Variants in COG6 observed in about 807,000 individuals in gnomAD.
COG6 encodes component of oligomeric golgi complex 6.
Under a neutral mutation model 88.8 loss-of-function variants are expected in COG6, and 74 were observed. The observed-to-expected ratio is 0.83, with a 90% confidence interval of 0.69 to 1.01. COG6 has a LOEUF of 1.01. Ranked by LOEUF, COG6 falls within the 50% of genes least tolerant of loss-of-function variation. COG6 has a pLI of 0.00. For missense variants in COG6, 800 were observed against 797.9 expected (o/e 1.00, Z -0.03); for synonymous variants, 286 against 278.7 (o/e 1.03, Z -0.26).
intron 18 of COG6, among the ~76,000 whole-genome samples, chr13:39,758,757 C>A (rs1880923735): frequency 6.6e-6 from 1 of 152,132 alleles, no homozygotes; most frequent in African/African-American, 2.4e-5. Flanking sequence ...AAATTTATGT[C>A]TACCAAGACT....
rs532838312 is a variant in COG6, at chr13:39,760,846, A to C, written c.1827-27489A>C. ...TATGTGAATAAATTTATGTATTTTT[A>C]CTGCACTCTTTTTATAGGTTTATTC... On this transcript the variant is annotated intron_variant, in intron 18 of 18. Transcript: ENST00000416691. Among the ~76,000 whole-genome samples the C allele has an allele frequency of 2.0e-5, 3 of 152,122 alleles. No individual in the cohort carries two copies. In the East Asian group the frequency reaches 5.8e-4, roughly 29 times the overall value.
chr13:39,692,908 A>G (rs1289751342), intron 11 of COG6, among the ~76,000 whole-genome samples: 1 of 151,996 alleles, frequency 6.6e-6, no homozygotes, highest in Non-Finnish European at 1.5e-5. Flanking sequence ...CAGCTCTGCT[A>G]ATGATTTTTC....
intron 12 of COG6, among the ~76,000 whole-genome samples, chr13:39,698,983 A>AG (rs1877424098): frequency 6.6e-6 from 1 of 151,914 alleles, no homozygotes; most frequent in African/African-American, 2.4e-5. Context: ...CAGACTTTTC[A>AG]ATTAGTCTAA....
rs1009152305 is a variant in COG6, at chr13:39,712,386, T to C, written c.1285-6850T>C. ...AACATGTCTGTTGTCCAGAGGCTTA[T>C]TAAGAAATGACTTACTGTTTAGTCC... On this transcript the variant is annotated intron_variant, in intron 13 of 18. Transcript: ENST00000455146. Among the ~76,000 whole-genome samples the C allele has an allele frequency of 3.3e-5, 5 of 151,308 alleles. No individual in the cohort carries two copies. The South Asian group carries it at 8.3e-4, about 25-fold the overall frequency.
rs569292449 is a variant in COG6, at chr13:39,730,773, CAAAAAAAAA to C, written c.1826+3243_1826+3251del. On this transcript the variant is annotated intron_variant, in intron 18 of 18. Coordinates refer to ENST00000455146, the MANE Select transcript of COG6 (RefSeq NM_020751.3). ...TGGGCGACAGAGCAAGACTCCATCT[CAAAAAAAAA>C]AAAAAAAAAAAAAAAAAGATTTAAC... 1.5e-3 allele frequency among the ~76,000 whole-genome samples: 58 copies of C among 39,470 alleles called. 2 individuals carry two copies. The South Asian group carries it at 0.017, about 12-fold the overall frequency. The allele number at this position is 39,470 out of a possible 152,430, so 25.9% of individuals were successfully genotyped here.
Position 39,655,898 on chromosome 13 carries a change from GC to G in COG6, c.153+21del. 1 of 1,600,766 alleles carries G rather than the reference GC, an allele frequency of 6.2e-7. No homozygotes were observed. Among genetic ancestry groups the G allele is most frequent in the Non-Finnish European group, 8.5e-7 (1 of 1,175,022 alleles). Reference sequence around the variant, plus strand: ...CGACAAGGTAACCGGGGCTGGCGGGGCCGGAGTCACAGGTTCCTGCGGGGCT... The same window carrying G: ...CGACAAGGTAACCGGGGCTGGCGGGGCGGAGTCACAGGTTCCTGCGGGGCT... On this transcript the variant is annotated intron_variant, in intron 1 of 18. Coordinates refer to ENST00000455146, the MANE Select transcript of COG6 (RefSeq NM_020751.3).
chr13:39,705,629 T>C (rs1877851290), intron 13 of COG6, among the ~76,000 whole-genome samples: 1 of 152,164 alleles, frequency 6.6e-6, no homozygotes, highest in African/African-American at 2.4e-5. Context: ...GTAGTCAGGA[T>C]TGATTTGCCC....
At chr13:39,743,385 G>A (rs1274857891) in intron 18 of COG6, among the ~76,000 whole-genome samples, 1 of 151,626 alleles carries the variant, frequency 6.6e-6, no homozygotes, top group Non-Finnish European at 1.5e-5. Flanking sequence ...AAAGAGAGAA[G>A]AATCAAATAG....
chr13:39,723,261 A>G (rs1054717799), intron 15 of COG6, 72 bp from the exon 16 acceptor site: 12 of 907,420 alleles, frequency 1.3e-5, no homozygotes, highest in South Asian at 9.3e-5. Context: ...ATCAGTGCCA[A>G]TGCAAGGCAC....
At chr13:39,693,035 T>C (rs1336033224) in intron 11 of COG6, among the ~76,000 whole-genome samples, 1 of 152,036 alleles carries the variant, frequency 6.6e-6, no homozygotes, top group Non-Finnish European at 1.5e-5. Flanking sequence ...TTGTTGTTTC[T>C]CCTGTGACTG....
At chr13:39,777,863 C>A (rs1263339171) in intron 18 of COG6, among the ~76,000 whole-genome samples, 1 of 152,198 alleles carries the variant, frequency 6.6e-6, no homozygotes, top group Non-Finnish European at 1.5e-5. Flanking sequence ...TTACTGACAG[C>A]AGTCTAACAG....
At position 39,777,514 on chromosome 13, in the gene COG6, G is replaced by A. The variant is rs566452927; in HGVS notation, c.1827-10821G>A. ...ATGAGGTAGGCCAGGAGAAGAAACC[G>A]GCCAGGTTTGTATTACTTGGTGGAA... On this transcript the variant is annotated intron_variant, in intron 18 of 18. Coordinates refer to the COG6 transcript ENST00000416691. 5.3e-4 allele frequency among the ~76,000 whole-genome samples: 80 copies of A among 152,264 alleles called. 1 individual carries two copies. Among genetic ancestry groups the A allele is most frequent in the African/African-American group, 1.7e-3 (72 of 41,548 alleles).
intron 18 of COG6, among the ~76,000 whole-genome samples, chr13:39,730,773 C>CAAAAAAAAAAAAAAAAAAAAAAAAAA (rs569292449): frequency 3.8e-4 from 15 of 39,464 alleles, no homozygotes; most frequent in South Asian, 1.7e-3. Flanking sequence ...GACTCCATCT[C>CAAAAAAAAAAAAAAAAAAAAAAAAAA]AAAAAAAAAA....
chr13:39,760,746 TA>T (rs1350924490), intron 18 of COG6, among the ~76,000 whole-genome samples: 1 of 152,072 alleles, frequency 6.6e-6, no homozygotes, highest in Non-Finnish European at 1.5e-5. Context: ...GCAGAATTAG[TA>T]TTGCTTCCTT....
chr13:39,719,121 ATG>A lies in COG6; in HGVS notation c.1285-110_1285-109del. 3 of 958,332 alleles carry A rather than the reference ATG, an allele frequency of 3.1e-6. 1 individual carries two copies. The South Asian group carries it at 4.1e-5, about 13-fold the overall frequency. The allele number at this position is 958,332 out of a possible 1,614,324, so 59.4% of individuals were successfully genotyped here. On this transcript the variant is annotated intron_variant, in intron 13 of 18. Transcript: ENST00000455146. ...GCTATTGATAAATTATAGGTTTCTA[ATG>A]TGTGAGTCTGTGCTTTATAACTTTT...
intron 12 of COG6, among the ~76,000 whole-genome samples, chr13:39,696,538 ACT>A (rs1877284172): frequency 6.6e-6 from 1 of 151,604 alleles, no homozygotes; most frequent in Non-Finnish European, 1.5e-5. Flanking sequence ...ACAAAAATAC[ACT>A]CTGGTGCTGA....
rs1427153422 is a variant in COG6, at chr13:39,694,720, A to C, written c.1161A>C (p.Thr387=). 1.9e-6 allele frequency: 3 copies of C among 1,543,664 alleles called. No individual in the cohort carries two copies. The change falls in exon 12 of 19, where the codon ACA becomes ACC. Residue 387 remains threonine (T), a synonymous_variant. Transcript: ENST00000455146. ...ISNLLKFYHH[T]ISGIVGNSAT... is the part of the protein sequence containing the mutation. ...ATCTCCTCAAATTTTATCACCATAC[A>C]ATCAGGTAAGTAGAATGGCAAAATG... is the stretch of plus-strand genomic sequence containing the variant.
chr13:39,709,882 C>G (rs1878145759), intron 13 of COG6, among the ~76,000 whole-genome samples: 1 of 152,162 alleles, frequency 6.6e-6, no homozygotes. Flanking sequence ...ATTGTAAAGG[C>G]CATCCATTCC....
intron 12 of COG6, among the ~76,000 whole-genome samples, chr13:39,697,990 G>T (rs1295039445): frequency 6.6e-6 from 1 of 151,964 alleles, no homozygotes; most frequent in African/African-American, 2.4e-5. Flanking sequence ...CAGGGAATTT[G>T]TAGATAATAC....
Sources: gnomAD v4.1 joint callset for allele counts (sites outside exome capture counted in the v4.1 genomes callset) on GRCh38, gnomAD v4.1.1 for gene constraint, MANE v1.5 for transcripts, NCBI Gene and HGNC (gene_info 2026-07-23, HGNC 2026-07-21) for gene names.